The following ARHGAP28 variants were observed in gnomAD, a reference collection of about 807,000 sequenced individuals.
ARHGAP28 encodes the protein Rho GTPase activating protein 28.
In ARHGAP28, 56 loss-of-function variants were observed where a neutral mutation model predicts 90.7. That is an observed-to-expected ratio of 0.62 (90% CI 0.50 to 0.77). ARHGAP28 has a LOEUF of 0.77. ARHGAP28 is among the 30% of genes least tolerant of loss of function. The pLI, the probability that ARHGAP28 is intolerant of heterozygous loss-of-function variation, is 0.00. For missense variants in ARHGAP28, 869 were observed against 900.9 expected, an observed-to-expected ratio of 0.96 and a Z score of 0.45; for synonymous variants, 308 against 323.3, an observed-to-expected ratio of 0.95 and a Z score of 0.51.
chr18:6,781,171 C>T (rs1428619319), intron 1 of ARHGAP28, among the ~76,000 whole-genome samples: 1 of 152,172 alleles, frequency 6.6e-6, no homozygotes, highest in Non-Finnish European at 1.5e-5. Flanking sequence ...GAAGCCATTG[C>T]ATCTGGAGAG....
At chr18:6,896,294 G>A (rs1359354502) in intron 15 of ARHGAP28, among the ~76,000 whole-genome samples, 2 of 152,182 alleles carry the variant, frequency 1.3e-5, no homozygotes, top group African/African-American at 4.8e-5. Flanking sequence ...CTGACCATGT[G>A]CAGTGAAAGT....
chr18:6,827,619 C>T (rs1215745645), intron 2 of ARHGAP28, among the ~76,000 whole-genome samples: 4 of 119,406 alleles, frequency 3.3e-5, no homozygotes, highest in Admixed American at 8.2e-5. Flanking sequence ...CGAGACGGGG[C>T]GGCTGGCCGG....
chr18:6,837,954 G>A (rs1360961027), intron 3 of ARHGAP28, among the ~76,000 whole-genome samples: 1 of 152,168 alleles, frequency 6.6e-6, no homozygotes, highest in Non-Finnish European at 1.5e-5. Context: ...TAAACGGCTG[G>A]TTGAAGTTCT....
chr18:6,890,215 C>T (rs2143722037), intron 13 of ARHGAP28, 130 bp downstream of exon 13: 1 of 1,007,670 alleles, frequency 9.9e-7, no homozygotes. Context: ...GTGGCTGTGA[C>T]AGCCTTACAC....
At chr18:6,765,575 AT>A (rs1298328725) in intron 1 of ARHGAP28, among the ~76,000 whole-genome samples, 5 of 151,582 alleles carry the variant, frequency 3.3e-5, no homozygotes, top group Admixed American at 6.6e-5. Flanking sequence ...CTTTTTAAAA[AT>A]TTTTTTCTAT....
At chr18:6,827,939 C>G (rs1292853552) in intron 2 of ARHGAP28, among the ~76,000 whole-genome samples, 1 of 151,414 alleles carries the variant, frequency 6.6e-6, no homozygotes, top group East Asian at 2.0e-4. Flanking sequence ...CCTCACTTCC[C>G]AGACGGGGTG....
intron 2 of ARHGAP28, among the ~76,000 whole-genome samples, chr18:6,828,302 T>G (rs976018610): frequency 2.0e-5 from 3 of 151,900 alleles, no homozygotes; most frequent in Non-Finnish European, 2.9e-5. Flanking sequence ...ATGGCAGCAG[T>G]ACAGTCCAGC....
At chr18:6,847,010 G>C (rs1332857857) in intron 3 of ARHGAP28, among the ~76,000 whole-genome samples, 1 of 152,192 alleles carries the variant, frequency 6.6e-6, no homozygotes, top group African/African-American at 2.4e-5. Context: ...TGCAGGCTTT[G>C]TAGCATCAAG....
At chr18:6,869,516 C>T (rs2143501096) in intron 6 of ARHGAP28, among the ~76,000 whole-genome samples, 1 of 152,154 alleles carries the variant, frequency 6.6e-6, no homozygotes, top group East Asian at 1.9e-4. Context: ...CCACCTCAGC[C>T]TCCCAAAGTG....
At chr18:6,911,130 G>A (rs1048518650) in intron 17 of ARHGAP28, among the ~76,000 whole-genome samples, 2 of 151,820 alleles carry the variant, frequency 1.3e-5, no homozygotes, top group African/African-American at 2.4e-5. Flanking sequence ...CACCGCGCTC[G>A]GCCAGCTCTT....
At chr18:6,887,383 G>A (rs1269433512) in intron 12 of ARHGAP28, 144 bp downstream of exon 12, 16 of 653,036 alleles carry the variant, frequency 2.5e-5, no homozygotes, top group Non-Finnish European at 4.3e-5. Flanking sequence ...TGCTCCCACT[G>A]CCCTTCTCCT....
chr18:6,782,349 A>G (rs1365146140), intron 1 of ARHGAP28, among the ~76,000 whole-genome samples: 1 of 152,122 alleles, frequency 6.6e-6, no homozygotes, highest in African/African-American at 2.4e-5. Flanking sequence ...CGATTAGAGT[A>G]TTAATGAGGA....
intron 11 of ARHGAP28, among the ~76,000 whole-genome samples, chr18:6,885,802 GTTT>G (rs11415807): frequency 7.1e-6 from 1 of 141,712 alleles, no homozygotes; most frequent in Admixed American, 7.0e-5. Context: ...CCCCAGAGTT[GTTT>G]TTTTTTTTTT....
intron 1 of ARHGAP28, among the ~76,000 whole-genome samples, chr18:6,801,032 C>A (rs748778496): frequency 6.6e-6 from 1 of 152,104 alleles, no homozygotes; most frequent in Non-Finnish European, 1.5e-5. Context: ...AGTCATGGAT[C>A]GTGCTTGTTG....
chr18:6,818,400 G>A (rs2056605607), intron 1 of ARHGAP28, among the ~76,000 whole-genome samples: 1 of 152,176 alleles, frequency 6.6e-6, no homozygotes, highest in Non-Finnish European at 1.5e-5. Flanking sequence ...TCCTGTCCTG[G>A]CTCCACTGAC....
intron 5 of ARHGAP28, among the ~76,000 whole-genome samples, chr18:6,864,342 G>A (rs545142269): frequency 2.3e-4 from 35 of 152,300 alleles, no homozygotes; most frequent in African/African-American, 8.4e-4. Flanking sequence ...GGGATTACAG[G>A]CATGAGCCAC....
intron 15 of ARHGAP28, among the ~76,000 whole-genome samples, chr18:6,895,336 T>A (rs1410191727): frequency 2.0e-5 from 3 of 152,026 alleles, no homozygotes; most frequent in African/African-American, 7.2e-5. Context: ...TTGCTGGTAA[T>A]GTTAGGAGAA....
intron 1 of ARHGAP28, among the ~76,000 whole-genome samples, chr18:6,816,895 C>T (rs1031466825): frequency 6.6e-6 from 1 of 151,532 alleles, no homozygotes; most frequent in Non-Finnish European, 1.5e-5. Flanking sequence ...CAAGATTAGT[C>T]TGGGTAACAT....
chr18:6,907,067 G>A (rs564019564), intron 16 of ARHGAP28, among the ~76,000 whole-genome samples: 12 of 152,226 alleles, frequency 7.9e-5, no homozygotes, highest in Admixed American at 4.6e-4. Flanking sequence ...GTTCAACATC[G>A]TTGGCCATTA....
Sources: gnomAD v4.1 joint callset for allele counts (sites outside exome capture counted in the v4.1 genomes callset) on GRCh38, gnomAD v4.1.1 for gene constraint, MANE v1.5 for transcripts, NCBI Gene and HGNC (gene_info 2026-07-23, HGNC 2026-07-21) for gene names.